Variants in ABI1 observed in about 807,000 individuals in gnomAD.
The protein encoded by ABI1 is Abelson interactor 1.
In ABI1, 14 loss-of-function variants were observed where a neutral mutation model predicts 54.6. The observed-to-expected ratio is 0.26, with a 90% confidence interval of 0.17 to 0.40. The LOEUF (loss-of-function observed/expected upper bound fraction) is 0.40, where lower values mean the gene tolerates loss of function less well. Ranked by LOEUF, ABI1 falls within the 10% of genes least tolerant of loss-of-function variation. The pLI is 1.00. For synonymous variants in ABI1, 194 were observed against 209.3 expected (o/e 0.93, Z 0.63); for missense variants, 443 against 598.3 (o/e 0.74, Z 2.71).
At chr10:26,834,877 C>T (rs1477911220) in intron 1 of ABI1, among the ~76,000 whole-genome samples, 1 of 151,910 alleles carries the variant, frequency 6.6e-6, no homozygotes, top group African/African-American at 2.4e-5. Context: ...CCGAGGCGGG[C>T]AAATCACTTG....
intron 1 of ABI1, chr10:26,839,662 A>T (rs566272074): frequency 1.6e-6 from 1 of 631,812 alleles, no homozygotes; most frequent in Non-Finnish European, 2.8e-6. Context: ...AAAAAAAAAA[A>T]AAAACATGCC....
intron 1 of ABI1, among the ~76,000 whole-genome samples, chr10:26,845,669 T>A (rs2049918505): frequency 6.6e-6 from 1 of 152,068 alleles, no homozygotes; most frequent in Non-Finnish European, 1.5e-5. Flanking sequence ...AATATAGACA[T>A]CATACCACCA....
At chr10:26,763,736 A>T in intron 7 of ABI1, 1 of 640,610 alleles carries the variant, frequency 1.6e-6, no homozygotes, top group Non-Finnish European at 2.7e-6. Flanking sequence ...ACCAGAAGTT[A>T]GTGATATTAG....
chr10:26,855,399 C>A lies in ABI1; in HGVS notation c.117+5348G>T, dbSNP rs531269733. Among the ~76,000 whole-genome samples, 527 of 152,308 alleles carry A rather than the reference C, an allele frequency of 3.5e-3. 1 individual carries two copies. Among genetic ancestry groups the A allele is most frequent in the Non-Finnish European group, 6.6e-3 (449 of 68,020 alleles). ...TGAAAACAGTATGATATGAAAAGAG[C>A]ACAGCCTATGGAGTCTGCCAGAGTC... On this transcript the variant is annotated intron_variant, in intron 1 of 10. Transcript: ENST00000376140.
chr10:26,748,475 G>T lies in ABI1; in HGVS notation c.*95C>A. ...AAAACAGCATGTTCTGAAAATATGG[G>T]CACATTTTAAAACATATTAAGACAG... On this transcript the variant is annotated 3_prime_UTR_variant, in exon 11 of 11. Coordinates refer to ENST00000376140, the MANE Select transcript of ABI1 (RefSeq NM_001012750.3). 5 of 889,506 alleles carry T rather than the reference G, an allele frequency of 5.6e-6. No homozygotes were observed. The highest frequency in any genetic ancestry group is 2.4e-5 in the South Asian group (1 of 41,742). The allele number at this position is 889,506 out of a possible 1,614,324, so 55.1% of individuals were successfully genotyped here. A position where few individuals can be genotyped will look rare whatever the true frequency, so the allele number is the denominator to read the frequency against.
intron 1 of ABI1, among the ~76,000 whole-genome samples, chr10:26,834,509 T>C (rs1589024189): frequency 3.6e-5 from 5 of 139,304 alleles, no homozygotes; most frequent in Admixed American, 7.4e-5. Context: ...AAAAGGAAAA[T>C]GGCAAAAGAT....
intron 1 of ABI1, among the ~76,000 whole-genome samples, chr10:26,852,684 G>A (rs904994755): frequency 2.0e-5 from 3 of 152,132 alleles, no homozygotes; most frequent in African/African-American, 4.8e-5. Context: ...ATACAATTTT[G>A]TCAAAGAATG....
In ABI1 at chr10:26,860,698, G is replaced by A. The variant is rs566519674; in HGVS notation, c.117+49C>T. On this transcript the variant is annotated intron_variant, in intron 1 of 10. Transcript: ENST00000376140. The surrounding 1 kb of genome is among the most constrained non-coding windows in gnomAD (Gnocchi z 4.1). The stretch of plus-strand genomic sequence containing the variant: ...CCCCGCCCAGTGGGCTGGTCACTCC[G>A]GCGGGTCCTCGACCCGGCCAGCGCC... 7.4e-6 allele frequency: 11 copies of A among 1,483,042 alleles called. 1 individual carries two copies. In the East Asian group the frequency reaches 2.0e-4, roughly 27 times the overall value. The allele number at this position is 1,483,042 out of a possible 1,614,324, so 91.9% of individuals were successfully genotyped here. A position where few individuals can be genotyped will look rare whatever the true frequency, so the allele number is the denominator to read the frequency against.
At chr10:26,808,058 C>T (rs1017160043) in intron 2 of ABI1, among the ~76,000 whole-genome samples, 3 of 152,160 alleles carry the variant, frequency 2.0e-5, no homozygotes, top group African/African-American at 7.2e-5. Context: ...CACCATTGCA[C>T]TCCAGCCTGG....
At chr10:26,835,088 C>CA (rs201431383) in intron 1 of ABI1, among the ~76,000 whole-genome samples, 1,954 of 32,024 alleles carry the variant, frequency 0.061, 231 homozygotes, top group Non-Finnish European at 0.085. Flanking sequence ...GATTCTACCT[C>CA]AAAAAAAAAA....
chr10:26,839,266 G>A (rs2049312120), intron 1 of ABI1, among the ~76,000 whole-genome samples: 1 of 152,182 alleles, frequency 6.6e-6, no homozygotes, highest in African/African-American at 2.4e-5. Context: ...GGAAGCTGAG[G>A]AAAGTGGATT....
chr10:26,827,862 G>C (rs559910088), intron 1 of ABI1, among the ~76,000 whole-genome samples: 1 of 152,076 alleles, frequency 6.6e-6, no homozygotes, highest in Non-Finnish European at 1.5e-5. Context: ...CAAAGTGCTG[G>C]GATTACAGGC....
intron 6 of ABI1, 146 bp from the exon 7 acceptor site, chr10:26,765,464 T>TG: frequency 1.6e-6 from 1 of 639,106 alleles, no homozygotes; most frequent in Non-Finnish European, 2.7e-6. Flanking sequence ...AAGAGCCCCC[T>TG]TGGATACCAA....
At chr10:26,777,396 G>C (rs1346527791) in intron 2 of ABI1, among the ~76,000 whole-genome samples, 155 bp from the exon 3 acceptor site, 1 of 152,326 alleles carries the variant, frequency 6.6e-6, no homozygotes, top group East Asian at 1.9e-4. Context: ...GCTAAAAGCA[G>C]AGAATATTTA....
chr10:26,833,715 C>G (rs2048836395), intron 1 of ABI1, among the ~76,000 whole-genome samples: 1 of 144,334 alleles, frequency 6.9e-6, no homozygotes, highest in Non-Finnish European at 1.5e-5. Context: ...TGGGCAAATA[C>G]TCTCACGTAC....
chr10:26,781,037 A>C (rs891593826), intron 2 of ABI1, among the ~76,000 whole-genome samples: 1 of 152,212 alleles, frequency 6.6e-6, no homozygotes, highest in Non-Finnish European at 1.5e-5. Flanking sequence ...GCCCATGTAG[A>C]AAGGCATTAG....
At chr10:26,761,995 T>G (rs1839295202) in intron 7 of ABI1, among the ~76,000 whole-genome samples, 1 of 152,016 alleles carries the variant, frequency 6.6e-6, no homozygotes, top group African/African-American at 2.4e-5. Flanking sequence ...CATTGATCAG[T>G]ATTTCTTCTT....
intron 2 of ABI1, among the ~76,000 whole-genome samples, chr10:26,814,000 T>A (rs774902251): frequency 2.0e-5 from 3 of 152,134 alleles, no homozygotes; most frequent in Non-Finnish European, 4.4e-5. Flanking sequence ...GAGCACTGAC[T>A]CAGTTAGTGT....
chr10:26,791,068 C>CAA (rs369738380), intron 2 of ABI1, among the ~76,000 whole-genome samples: 4,813 of 58,074 alleles, frequency 0.083, 239 homozygotes, highest in East Asian at 0.14. Context: ...GATTCCGTCT[C>CAA]AAAAAAAAAA....
Sources: gnomAD v4.1 joint callset for allele counts (sites outside exome capture counted in the v4.1 genomes callset) on GRCh38, gnomAD v4.1.1 for gene constraint, Gnocchi (gnomAD v3.1) non-coding constraint, MANE v1.5 for transcripts, NCBI Gene and HGNC (gene_info 2026-07-23, HGNC 2026-07-21) for gene names.